KBTBD12: variants seen among roughly 807,000 people sequenced by gnomAD.
KBTBD12 encodes the protein kelch repeat and BTB domain containing 12.
Under a neutral mutation model 58.7 loss-of-function variants are expected in KBTBD12, and 53 were observed. The observed-to-expected ratio is 0.90, with a 90% CI of 0.72 to 1.14. The LOEUF is 1.14. Ranked by LOEUF, KBTBD12 falls within the 50% of genes most tolerant of loss-of-function variation. The pLI is 0.00. For synonymous variants in KBTBD12, 236 were observed against 259.8 expected (o/e 0.91, Z 0.88); for missense variants, 704 against 751.3 (o/e 0.94, Z 0.74).
chr3:127,976,769 AT>A (rs1403381384), intron 5 of KBTBD12, among the ~76,000 whole-genome samples: 1 of 152,142 alleles, frequency 6.6e-6, no homozygotes, highest in Admixed American at 6.5e-5. Flanking sequence ...GTCCTTATTC[AT>A]TTTTATGTGT....
At chr3:127,950,622 G>A (rs1283148202) in intron 4 of KBTBD12, among the ~76,000 whole-genome samples, 2 of 152,096 alleles carry the variant, frequency 1.3e-5, no homozygotes. Flanking sequence ...TGAAAGATGC[G>A]CTCTATGCCC....
chr3:127,945,067 T>C (rs984090913), intron 4 of KBTBD12, among the ~76,000 whole-genome samples: 1 of 151,046 alleles, frequency 6.6e-6, no homozygotes, highest in Non-Finnish European at 1.5e-5. Context: ...TTGTTTTTGC[T>C]GTTGTTGTTG....
At chr3:127,956,019 T>A (rs1050622611) in intron 4 of KBTBD12, among the ~76,000 whole-genome samples, 1 of 152,228 alleles carries the variant, frequency 6.6e-6, no homozygotes, top group African/African-American at 2.4e-5. Context: ...AGGAAAGAAA[T>A]GCTTTACCAT....
chr3:127,957,631 G>C (rs910836528), intron 4 of KBTBD12, among the ~76,000 whole-genome samples: 1 of 151,762 alleles, frequency 6.6e-6, no homozygotes, highest in African/African-American at 2.4e-5. Context: ...TTTCTGTTTT[G>C]ACCGCTCCCC....
chr3:127,962,006 T>TATG (rs1940450253), intron 4 of KBTBD12, among the ~76,000 whole-genome samples: 1 of 152,226 alleles, frequency 6.6e-6, no homozygotes, highest in African/African-American at 2.4e-5. Flanking sequence ...TACTCCAGTA[T>TATG]CAGTCACCAC....
chr3:127,947,368 G>A (rs1417097732), intron 4 of KBTBD12, among the ~76,000 whole-genome samples: 3 of 152,050 alleles, frequency 2.0e-5, no homozygotes, highest in Non-Finnish European at 4.4e-5. Flanking sequence ...TTAGGCATGG[G>A]CCAGTCTTCC....
At chr3:127,943,853 G>A (rs1220049087) in intron 4 of KBTBD12, among the ~76,000 whole-genome samples, 1 of 152,032 alleles carries the variant, frequency 6.6e-6, no homozygotes, top group Non-Finnish European at 1.5e-5. Flanking sequence ...ATTTTGAGTT[G>A]CTTTTTGTGT....
At chr3:127,969,301 A>G (rs916279674) in intron 5 of KBTBD12, among the ~76,000 whole-genome samples, 12 of 152,186 alleles carry the variant, frequency 7.9e-5, no homozygotes, top group Admixed American at 2.6e-4. Flanking sequence ...AAAAAATGAA[A>G]TTAAGAAAAC....
chr3:127,987,284 G>A lies in KBTBD12; in HGVS notation c.*3006G>A, dbSNP rs1428956388. 6.6e-6 allele frequency: 1 copy of A among 152,162 alleles called. No homozygotes were observed. The highest frequency in any genetic ancestry group is 1.5e-5 in the Non-Finnish European group (1 of 68,038). The allele number at this position is 152,162 out of a possible 1,614,324, so 9.4% of individuals were successfully genotyped here. A position where few individuals can be genotyped will look rare whatever the true frequency, so the allele number is the denominator to read the frequency against. On this transcript the variant is annotated 3_prime_UTR_variant, in exon 6 of 6. Transcript: ENST00000405109. Reference sequence around the variant, plus strand: ...GGTTAGTGCTTATTTTAAGTTCTTGGTGCTTCTTGTCTGACTTCTGTATTT... The same window carrying A: ...GGTTAGTGCTTATTTTAAGTTCTTGATGCTTCTTGTCTGACTTCTGTATTT...
At chr3:127,922,881 C>G (rs1055588322) in intron 1 of KBTBD12, 69 bp from the exon 2 acceptor site, 1 of 520,534 alleles carries the variant, frequency 1.9e-6, no homozygotes, top group African/African-American at 1.9e-5. Flanking sequence ...TTTTTTAGAA[C>G]TAATGCTGCA....
At chr3:127,934,817 T>G (rs1939791566) in intron 4 of KBTBD12, among the ~76,000 whole-genome samples, 1 of 152,152 alleles carries the variant, frequency 6.6e-6, no homozygotes, top group Admixed American at 6.5e-5. Flanking sequence ...CCAGGAAAAC[T>G]GTGCTTCAAA....
At chr3:127,966,206 C>A (rs966996706) in intron 5 of KBTBD12, among the ~76,000 whole-genome samples, 1 of 152,208 alleles carries the variant, frequency 6.6e-6, no homozygotes, top group Non-Finnish European at 1.5e-5. Context: ...ATATGCACAG[C>A]CATACCCTCT....
chr3:127,922,323 A>G (rs1939430580), intron 1 of KBTBD12, among the ~76,000 whole-genome samples: 1 of 152,142 alleles, frequency 6.6e-6, no homozygotes, highest in South Asian at 2.1e-4. Flanking sequence ...TATTTTAAAT[A>G]TTGTGACTTT....
In KBTBD12 at chr3:127,927,729, C is replaced by T. The variant is rs770982904; in HGVS notation, c.1071-35C>T. The T allele has an allele frequency of 2.8e-6, 4 of 1,408,714 alleles. No homozygotes were observed. In the South Asian group the frequency reaches 8.0e-5, roughly 28 times the overall value. 87.3% of individuals were successfully genotyped at this position (1,408,714 alleles called of 1,614,324 possible). A position where few individuals can be genotyped will look rare whatever the true frequency, so the allele number is the denominator to read the frequency against. The stretch of plus-strand genomic sequence containing the variant: ...TCTTGGGTAAATTGCTTTCATGTTA[C>T]CTCTAATCCTGGATACTCTCTCTCT... On this transcript the variant is annotated intron_variant, in intron 2 of 5. Coordinates refer to ENST00000405109, the MANE Select transcript of KBTBD12 (RefSeq NM_207335.4).
chr3:127,977,519 C>T (rs987957395), intron 5 of KBTBD12, among the ~76,000 whole-genome samples: 14 of 152,150 alleles, frequency 9.2e-5, no homozygotes, highest in African/African-American at 2.9e-4. Flanking sequence ...TAATAATAGC[C>T]ATTATGACTG....
At chr3:127,919,633 A>G (rs1024786462) in intron 1 of KBTBD12, among the ~76,000 whole-genome samples, 7 of 152,188 alleles carry the variant, frequency 4.6e-5, no homozygotes, top group African/African-American at 1.7e-4. Context: ...AGGTGGAGGG[A>G]GGGCTATAAC....
intron 4 of KBTBD12, among the ~76,000 whole-genome samples, chr3:127,949,891 C>A (rs370252945): frequency 1.3e-5 from 2 of 152,242 alleles, no homozygotes. Context: ...GGGGAAGGAG[C>A]TGGAAATCAA....
intron 4 of KBTBD12, among the ~76,000 whole-genome samples, chr3:127,935,368 T>G (rs1939806223): frequency 6.6e-6 from 1 of 152,144 alleles, no homozygotes; most frequent in African/African-American, 2.4e-5. Context: ...CTGTTTGTAA[T>G]GAAATCAACT....
At chr3:127,927,697 G>C in intron 2 of KBTBD12, 67 bp from the exon 3 acceptor site, 1 of 1,141,568 alleles carries the variant, frequency 8.8e-7, no homozygotes, top group South Asian at 2.7e-5. Context: ...AAATAAATAA[G>C]TGTATTTCTT....
Sources: gnomAD v4.1 joint callset for allele counts (sites outside exome capture counted in the v4.1 genomes callset) on GRCh38, gnomAD v4.1.1 for gene constraint, MANE v1.5 for transcripts, NCBI Gene and HGNC (gene_info 2026-07-23, HGNC 2026-07-21) for gene names.